The following TBC1D2 variants were observed in gnomAD, a reference collection of about 807,000 sequenced individuals.
TBC1D2 encodes TBC1 domain family member 2A.
A neutral mutation model predicts 91.1 loss-of-function variants in TBC1D2; 58 were observed. That is an observed-to-expected ratio of 0.64 (90% CI 0.52 to 0.79). The LOEUF (loss-of-function observed/expected upper bound fraction) is 0.79. Among genes scored for constraint, TBC1D2 ranks in the 30% least tolerant of loss-of-function variants. TBC1D2 has a pLI of 0.00. For missense variants in TBC1D2, 1,080 were observed against 1,208.3 expected (o/e 0.89, Z 1.57); for synonymous variants, 482 against 511.5 (o/e 0.94, Z 0.78).
At chr9:98,238,908 A>G (rs1341289876) in intron 3 of TBC1D2, among the ~76,000 whole-genome samples, 1 of 151,836 alleles carries the variant, frequency 6.6e-6, no homozygotes. Flanking sequence ...TTTTTAGTAG[A>G]GATGGGATTT....
At chr9:98,214,002 G>C (rs188127142) in intron 6 of TBC1D2, among the ~76,000 whole-genome samples, 8 of 152,376 alleles carry the variant, frequency 5.3e-5, no homozygotes, top group African/African-American at 1.9e-4. Flanking sequence ...AGAAGGATCA[G>C]CTATAGCAGT....
intron 3 of TBC1D2, chr9:98,235,343 C>G: frequency 4.7e-6 from 2 of 426,412 alleles, no homozygotes; most frequent in Non-Finnish European, 9.4e-6. Flanking sequence ...GAGAAATGAG[C>G]TACGTAATCT....
At chr9:98,223,669 T>A (rs1018981060) in intron 5 of TBC1D2, among the ~76,000 whole-genome samples, 1 of 152,222 alleles carries the variant, frequency 6.6e-6, no homozygotes, top group African/African-American at 2.4e-5. Context: ...CTTATTTCAT[T>A]ACATCTAGCT....
intron 7 of TBC1D2, 107 bp from the exon 8 acceptor site, chr9:98,210,950 G>C: frequency 9.7e-7 from 1 of 1,032,202 alleles, no homozygotes; most frequent in Non-Finnish European, 1.4e-6. Context: ...GCTCTCATCT[G>C]CCCCACTCCC....
intron 3 of TBC1D2, 108 bp from the exon 4 acceptor site, chr9:98,233,657 C>T (rs1691558989): frequency 6.6e-7 from 1 of 1,506,002 alleles, no homozygotes; most frequent in African/African-American, 1.4e-5. Context: ...CACACCCTGT[C>T]ATCCTGACTG....
intron 6 of TBC1D2, chr9:98,213,652 T>C (rs529625940): frequency 9.2e-5 from 15 of 162,394 alleles, no homozygotes; most frequent in Non-Finnish European, 1.8e-4. Context: ...TATTTTATCA[T>C]ATATTTACAA....
Position 98,255,502 on chromosome 9 carries a change from A to G in TBC1D2, c.40T>C (p.Ser14Pro). The G allele has an allele frequency of 6.4e-7, 1 of 1,555,970 alleles. No individual in the cohort carries two copies. The highest frequency in any genetic ancestry group is 8.7e-7 in the Non-Finnish European group (1 of 1,149,100). Residue 14 changes from serine to proline, a missense_variant, in exon 1 of 13, where the codon TCT becomes CCT. By Grantham distance (74) the Ser-to-Pro change is moderately conservative. Coordinates refer to ENST00000465784, the MANE Select transcript of TBC1D2 (RefSeq NM_001267571.2). The part of the protein sequence containing the change: ...AGENAPESSS[S>P]APGSEESARD... ...GCAGACTCTTCGGACCCAGGGGCAG[A>G]GGAGCTGGACTCCGGGGCGTTCTCC...
chr9:98,219,331 G>A (rs1829040316), intron 6 of TBC1D2, among the ~76,000 whole-genome samples: 3 of 152,156 alleles, frequency 2.0e-5, no homozygotes, highest in Admixed American at 2.0e-4. Context: ...GTTCAACACT[G>A]CCCACTGAGA....
In TBC1D2 at chr9:98,229,095, T is replaced by A; in HGVS notation, c.835A>T (p.Ser279Cys). 1 of 1,614,230 alleles carries A rather than the reference T, an allele frequency of 6.2e-7. No homozygotes were observed. The highest frequency in any genetic ancestry group is 1.3e-5 in the African/African-American group (1 of 75,062). ...KPAPKPSLTI[S>C]FAQKAKRQNN... ...TGGCGCTTGGCTTTCTGAGCGAAAC[T>A]GATGGTCAGAGAAGGCTTGGGTGCA... The change falls in exon 5 of 13, where the codon AGT becomes TGT. Residue 279 changes from serine to cysteine, a missense_variant. Coordinates refer to ENST00000465784, the MANE Select transcript of TBC1D2 (RefSeq NM_001267571.2).
chr9:98,255,410 G>A lies in TBC1D2; in HGVS notation c.132C>T (p.Val44=). The A allele has an allele frequency of 6.2e-7, 1 of 1,613,334 alleles. No homozygotes were observed. Among genetic ancestry groups the A allele is most frequent in the Non-Finnish European group, 8.5e-7 (1 of 1,179,344 alleles). ...TTAAATACCCACAGAGTTTCTTGGG[G>A]ACCGCCTCCAGGGACCGGGCGCAGT... ...SGDCARSLEA[V]PKKLCGYLSK... The change falls in exon 1 of 13, where the codon GTC becomes GTT. Residue 44 remains valine (V), a synonymous_variant. Coordinates refer to ENST00000465784, the MANE Select transcript of TBC1D2 (RefSeq NM_001267571.2).
intron 6 of TBC1D2, among the ~76,000 whole-genome samples, chr9:98,217,001 C>G (rs1204963551): frequency 6.6e-6 from 1 of 152,254 alleles, no homozygotes; most frequent in Non-Finnish European, 1.5e-5. Context: ...TGGCTACACA[C>G]TGTTATTTCT....
intron 5 of TBC1D2, among the ~76,000 whole-genome samples, chr9:98,225,677 G>A (rs1241903402): frequency 1.3e-5 from 2 of 152,218 alleles, no homozygotes; most frequent in Non-Finnish European, 2.9e-5. Context: ...GTAAGGGGAT[G>A]AAAACTATTG....
In TBC1D2 at chr9:98,200,382, T is replaced by C; in HGVS notation, c.2458-8A>G. On this transcript the variant is annotated splice_region_variant and splice_polypyrimidine_tract_variant and intron_variant, in intron 11 of 12. Coordinates refer to ENST00000465784, the MANE Select transcript of TBC1D2 (RefSeq NM_001267571.2). ...GGCATAGCGAAACACCACCTGGGGG[T>C]AGAGTGGGGGCTCAGGTAGGGCATG... 7.1e-7 allele frequency: 1 copy of C among 1,407,990 alleles called. No individual in the cohort carries two copies. The highest frequency in any genetic ancestry group is 9.4e-7 in the Non-Finnish European group (1 of 1,061,348). 87.2% of individuals were successfully genotyped at this position (1,407,990 alleles called of 1,614,324 possible).
chr9:98,245,043 G>A lies in TBC1D2; in HGVS notation c.512-914C>T, dbSNP rs1416580495. 6.6e-5 allele frequency among the ~76,000 whole-genome samples: 10 copies of A among 151,606 alleles called. 1 individual carries two copies. The highest frequency in any genetic ancestry group is 3.9e-4 in the Admixed American group (6 of 15,216). ...ATCATGAGGTCAGGAGATCGAGACTGTCCTGGCTAACACGGTGAAACCCCA... is the reference window on the plus strand; with the variant it reads ...ATCATGAGGTCAGGAGATCGAGACTATCCTGGCTAACACGGTGAAACCCCA... On this transcript the variant is annotated intron_variant, in intron 2 of 12. Coordinates refer to ENST00000465784, the MANE Select transcript of TBC1D2 (RefSeq NM_001267571.2).
intron 1 of TBC1D2, 34 bp downstream of exon 1, chr9:98,255,139 C>T: frequency 6.4e-7 from 1 of 1,574,488 alleles, no homozygotes; most frequent in South Asian, 1.2e-5. Flanking sequence ...GACCTCACGC[C>T]GCTGGAAAGG....
At chr9:98,236,591 C>G (rs936374202) in intron 3 of TBC1D2, among the ~76,000 whole-genome samples, 3 of 152,186 alleles carry the variant, frequency 2.0e-5, no homozygotes, top group African/African-American at 7.2e-5. Context: ...AGTCCAGTAG[C>G]TTGATACTGA....
rs369507489 is a variant in TBC1D2, at chr9:98,209,756, T to TTCCCTTCC, written c.1674-613_1674-612insGGAAGGGA. ...TTCCTTCTTTCCTTTCCTTCCTTCC[T>TTCCCTTCC]TTCCTTCCTTCCTTCCTTCCTTCCT... On this transcript the variant is annotated intron_variant, in intron 8 of 12. Transcript: ENST00000465784. Among the ~76,000 whole-genome samples the TTCCCTTCC allele has an allele frequency of 4.9e-4, 52 of 105,582 alleles. 1 individual carries two copies. Among genetic ancestry groups the TTCCCTTCC allele is most frequent in the African/African-American group, 8.7e-4 (21 of 24,066 alleles). The allele number at this position is 105,582 out of a possible 152,430, so 69.3% of individuals were successfully genotyped here. A position where few individuals can be genotyped will look rare whatever the true frequency, so the allele number is the denominator to read the frequency against.
chr9:98,244,491 C>T (rs1259945836), intron 2 of TBC1D2, among the ~76,000 whole-genome samples: 1 of 151,906 alleles, frequency 6.6e-6, no homozygotes, highest in African/African-American at 2.4e-5. Flanking sequence ...GAAACCCTGT[C>T]TCTACTAAAA....
At chr9:98,248,212 G>C (rs1223122588) in intron 2 of TBC1D2, among the ~76,000 whole-genome samples, 2 of 152,240 alleles carry the variant, frequency 1.3e-5, no homozygotes, top group Non-Finnish European at 2.9e-5. Context: ...GACAGGAGGG[G>C]CTGCCCATGA....
Sources: allele counts gnomAD v4.1 joint callset (sites outside exome capture counted in the v4.1 genomes callset), GRCh38; gene constraint gnomAD v4.1.1; transcripts MANE v1.5; gene names NCBI Gene and HGNC (gene_info 2026-07-23, HGNC 2026-07-21).